Variants in SNX19 observed in about 807,000 individuals in gnomAD.
SNX19 encodes sorting nexin-19.
SNX19 carries 60 observed loss-of-function variants against 85.2 expected under a neutral mutation model. The ratio of observed to expected loss-of-function variants is 0.70; its 90% CI spans 0.57 to 0.87. The LOEUF (loss-of-function observed/expected upper bound fraction) is 0.87, where lower values mean the gene tolerates loss of function less well. SNX19 is among the 40% of genes least tolerant of loss of function. The pLI is 0.00. For missense variants in SNX19, 1,201 were observed against 1,217.8 expected (o/e 0.99, Z 0.21); for synonymous variants, 520 against 470.0 (o/e 1.11, Z -1.38).
chr11:130,885,553 G>A (rs1038534012), intron 8 of SNX19, among the ~76,000 whole-genome samples: 2 of 152,196 alleles, frequency 1.3e-5, no homozygotes, highest in African/African-American at 2.4e-5. Flanking sequence ...GGCTGAGTGA[G>A]AAAGGGTCTT....
intron 1 of SNX19, among the ~76,000 whole-genome samples, chr11:130,913,074 A>G (rs866312248): frequency 2.0e-5 from 3 of 152,348 alleles, no homozygotes; most frequent in Middle Eastern, 3.4e-3. Context: ...ACAACAAAAA[A>G]GAACAAATAA....
rs1391741713 is a variant in SNX19, at chr11:130,869,828, T to A, written c.*8594A>T. 1 of 152,018 alleles carries A rather than the reference T, an allele frequency of 6.6e-6. No homozygotes were observed. The highest frequency in any genetic ancestry group is 6.5e-5 in the Admixed American group (1 of 15,270). 9.4% of individuals were successfully genotyped at this position (152,018 alleles called of 1,614,324 possible). A position where few individuals can be genotyped will look rare whatever the true frequency, so the allele number is the denominator to read the frequency against. On this transcript the variant is annotated 3_prime_UTR_variant, in exon 11 of 11. Transcript: ENST00000265909. ...GTTCACATATAGCCTTAAGTTGATG[T>A]CCATATTGATTTAACTATCAAAAAG...
rs370212406 is a variant in SNX19 at position 130,914,630 on chromosome 11, G to A, written c.1310C>T (p.Pro437Leu). ...TGGGCAGGAATTCAGTGTGGAGACC[G>A]GCAGGCCTGTCTCTGTTTCTGTCCC... Reference protein sequence around the residue: ...GPGTETETGLPVSTLNSCPEI... With the variant: ...GPGTETETGLLVSTLNSCPEI... The change falls in exon 1 of 11, where the codon CCG becomes CTG. Residue 437 changes from proline (P) to leucine (L), a missense_variant. This residue lies in a region of SNX19 where 791 missense variants were observed against 750.9 expected (regional missense o/e 1.05). Coordinates refer to ENST00000265909, the MANE Select transcript of SNX19 (RefSeq NM_014758.3). 126 of 1,613,782 alleles carry A rather than the reference G, an allele frequency of 7.8e-5. No individual in the cohort carries two copies. Among genetic ancestry groups the A allele is most frequent in the Non-Finnish European group, 9.5e-5 (112 of 1,179,868 alleles).
Position 130,880,604 on chromosome 11 carries a change from T to G in SNX19, c.2758+18A>C. On this transcript the variant is annotated intron_variant, in intron 9 of 10. Coordinates refer to ENST00000265909, the MANE Select transcript of SNX19 (RefSeq NM_014758.3). Reference sequence around the variant, plus strand: ...AGAGAAATGTGATTGGTATAATTGATCTCATTGGTCCAATTACCTGGGAGG... The same window carrying G: ...AGAGAAATGTGATTGGTATAATTGAGCTCATTGGTCCAATTACCTGGGAGG... 1.9e-6 allele frequency: 3 copies of G among 1,559,876 alleles called. No homozygotes were observed. The highest frequency in any genetic ancestry group is 2.4e-5 in the South Asian group (2 of 84,560).
rs1946463303 is a variant in SNX19 at position 130,915,226 on chromosome 11, C to T, written c.714G>A (p.Val238=). 1 of 1,614,122 alleles carries T rather than the reference C, an allele frequency of 6.2e-7. No homozygotes were observed. The highest frequency in any genetic ancestry group is 8.5e-7 in the Non-Finnish European group (1 of 1,180,052). ...TTACATTGCATGTGATGAGTTCGACCACTACATGGCGTCCGGTACGAGTCT... is the reference window on the plus strand; with the variant it reads ...TTACATTGCATGTGATGAGTTCGACTACTACATGGCGTCCGGTACGAGTCT... ...HLETRTGRHV[V]VELITCNVIL... The change falls in exon 1 of 11, where the codon GTG becomes GTA. Residue 238 remains valine (V), a synonymous_variant. Transcript: ENST00000265909.
At chr11:130,879,221 C>A (rs2135272822) in intron 10 of SNX19, among the ~76,000 whole-genome samples, 1 of 152,316 alleles carries the variant, frequency 6.6e-6, no homozygotes, top group Admixed American at 6.5e-5. Flanking sequence ...AACATCTTTA[C>A]ATGGTCTGTG....
At position 130,915,761 on chromosome 11, in the gene SNX19, A is replaced by G. The variant is rs1320830859; in HGVS notation, c.179T>C (p.Val60Ala). ...GCTGGAGCCCAGCCATCCTCCCAGC[A>G]CCACTAGCAATGCCGACAGAAGGCA... ...LLCLLSALLV[V>A]LGGWLGSSLA... is the part of the protein sequence containing the mutation. Residue 60 changes from valine (V) to alanine (A), a missense_variant, in exon 1 of 11, where the codon GTG becomes GCG. Coordinates refer to ENST00000265909, the MANE Select transcript of SNX19 (RefSeq NM_014758.3). The G allele has an allele frequency of 6.2e-7, 1 of 1,614,146 alleles. No individual in the cohort carries two copies. The highest frequency in any genetic ancestry group is 1.7e-5 in the Admixed American group (1 of 60,020).
Position 130,908,887 on chromosome 11 carries a change from C to T in SNX19, c.2035-804G>A, listed in dbSNP as rs190008910. Among the ~76,000 whole-genome samples, 28 of 152,354 alleles carry T rather than the reference C, an allele frequency of 1.8e-4. No homozygotes were observed. The East Asian group carries it at 4.2e-3, about 23-fold the overall frequency. On this transcript the variant is annotated intron_variant, in intron 4 of 10. Transcript: ENST00000265909. ...TTCTTGCTAACTAACACTGCTGGCT[C>T]AGAGCAGCACCATGCCTTCTTTGAC...
chr11:130,867,672 T>C lies in SNX19; in HGVS notation c.*10750A>G, dbSNP rs533900789. On this transcript the variant is annotated 3_prime_UTR_variant, in exon 11 of 11. Coordinates refer to ENST00000265909, the MANE Select transcript of SNX19 (RefSeq NM_014758.3). ...CCCAAATGAGGTGGAAGAAAATCTC[T>C]ACTGAGATGAGATGCATTTTTAGGA... The C allele has an allele frequency of 6.6e-6, 1 of 152,328 alleles. No homozygotes were observed. The highest frequency in any genetic ancestry group is 1.9e-4 in the East Asian group (1 of 5,188). The allele number at this position is 152,328 out of a possible 1,614,324, so 9.4% of individuals were successfully genotyped here. A position where few individuals can be genotyped will look rare whatever the true frequency, so the allele number is the denominator to read the frequency against.
intron 8 of SNX19, among the ~76,000 whole-genome samples, chr11:130,897,034 T>C (rs1205017548): frequency 6.6e-6 from 1 of 152,102 alleles, no homozygotes; most frequent in Admixed American, 6.5e-5. Context: ...GAGGTGGACG[T>C]TGCGCCTTGC....
At chr11:130,911,801 T>G in intron 1 of SNX19, 30 bp from the exon 2 acceptor site, 1 of 1,608,036 alleles carries the variant, frequency 6.2e-7, no homozygotes, top group South Asian at 1.1e-5. Flanking sequence ...ATTGACTCAA[T>G]CAGCCGGGTT....
chr11:130,880,465 T>G (rs988573163), intron 9 of SNX19, among the ~76,000 whole-genome samples, 157 bp downstream of exon 9: 1 of 152,218 alleles, frequency 6.6e-6, no homozygotes, highest in Non-Finnish European at 1.5e-5. Flanking sequence ...GCCCTGTTCA[T>G]TTTCCTATTA....
At position 130,915,642 on chromosome 11, in the gene SNX19, G is replaced by A. The variant is rs774228010; in HGVS notation, c.298C>T (p.Arg100Trp). The change falls in exon 1 of 11, where the codon CGG becomes TGG. Residue 100 changes from arginine (R) to tryptophan (W), a missense_variant. Arg to Trp is a moderately radical substitution (Grantham distance 101). This residue lies in a region of SNX19 where 791 missense variants were observed against 750.9 expected (regional missense o/e 1.05). Transcript: ENST00000265909. ...ATCTGGATGGTGCGGTTGATCTCCCGTTCCAGCTGCCTTTCTGCCTCAGGG... is the reference window on the plus strand; with the variant it reads ...ATCTGGATGGTGCGGTTGATCTCCCATTCCAGCTGCCTTTCTGCCTCAGGG... ...PCPEAERQLEREINRTIQMII... is the reference protein window; with the variant it reads ...PCPEAERQLEWEINRTIQMII... The A allele has an allele frequency of 3.7e-6, 6 of 1,614,222 alleles. No individual in the cohort carries two copies. Among genetic ancestry groups the A allele is most frequent in the South Asian group, 1.1e-5 (1 of 91,084 alleles).
intron 8 of SNX19, chr11:130,893,613 A>T (rs1449626568): frequency 5.1e-6 from 3 of 593,256 alleles, no homozygotes; most frequent in Non-Finnish European, 9.0e-6. Flanking sequence ...GGACGTAGGG[A>T]CACCGAAGTG....
At chr11:130,897,418 T>G (rs1208939956) in intron 8 of SNX19, among the ~76,000 whole-genome samples, 4 of 151,922 alleles carry the variant, frequency 2.6e-5, no homozygotes, top group Non-Finnish European at 5.9e-5. Context: ...CCTTTTTAAC[T>G]GAGAAATCCT....
intron 8 of SNX19, among the ~76,000 whole-genome samples, chr11:130,882,317 A>G (rs779024266): frequency 6.6e-6 from 1 of 152,200 alleles, no homozygotes; most frequent in Non-Finnish European, 1.5e-5. Flanking sequence ...AGCTCATGCC[A>G]TCACTCCTCG....
intron 7 of SNX19, among the ~76,000 whole-genome samples, chr11:130,904,233 T>C (rs929125016): frequency 6.6e-6 from 1 of 152,228 alleles, no homozygotes; most frequent in South Asian, 2.1e-4. Flanking sequence ...CCTCCAAGTA[T>C]GTGATGTTAC....
rs1942779394 is a variant in SNX19, at chr11:130,866,717, G to C, written c.*11705C>G. The C allele has an allele frequency of 1.3e-5, 2 of 152,338 alleles. No individual in the cohort carries two copies. The highest frequency in any genetic ancestry group is 4.8e-5 in the African/African-American group (2 of 41,570). 9.4% of individuals were successfully genotyped at this position (152,338 alleles called of 1,614,324 possible). A position where few individuals can be genotyped will look rare whatever the true frequency, so the allele number is the denominator to read the frequency against. ...AGAGTGCCAGGAGCCCTTAGCTCTA[G>C]ACTTACTGAACAGAAAGACCTTGGG... is the stretch of plus-strand genomic sequence containing the variant. On this transcript the variant is annotated 3_prime_UTR_variant, in exon 11 of 11. Transcript: ENST00000265909.
intron 8 of SNX19, among the ~76,000 whole-genome samples, chr11:130,884,692 C>A (rs548827332): frequency 1.3e-5 from 2 of 151,956 alleles, no homozygotes; most frequent in African/African-American, 4.8e-5. Context: ...CATGGTGAAG[C>A]CTCGTCTCTA....
Sources: gnomAD v4.1 joint callset for allele counts (sites outside exome capture counted in the v4.1 genomes callset) on GRCh38, gnomAD v4.1.1 for gene constraint, gnomAD v4.1.1 regional missense constraint, MANE v1.5 for transcripts, NCBI Gene and HGNC (gene_info 2026-07-23, HGNC 2026-07-21) for gene names.